The following GABPB1 variants were observed in gnomAD, a reference collection of about 807,000 sequenced individuals.
The protein encoded by GABPB1 is GA-binding protein subunit beta-1.
Under a neutral mutation model 45.9 loss-of-function variants are expected in GABPB1, and 15 were observed. The ratio of observed to expected loss-of-function variants is 0.33; its 90% CI spans 0.22 to 0.50. The LOEUF (loss-of-function observed/expected upper bound fraction) is 0.50. Ranked by LOEUF, GABPB1 falls within the 20% of genes least tolerant of loss-of-function variation. GABPB1 has a pLI of 0.98. For synonymous variants in GABPB1, 143 were observed against 154.4 expected (o/e 0.93, Z 0.55); for missense variants, 252 against 457.5 (o/e 0.55, Z 4.10).
At chr15:50,291,330 T>C (rs2046335013) in intron 6 of GABPB1, among the ~76,000 whole-genome samples, 1 of 152,008 alleles carries the variant, frequency 6.6e-6, no homozygotes, top group African/African-American at 2.4e-5. Context: ...GAATTTTTTT[T>C]TTTTTTGAGA....
intron 1 of GABPB1, among the ~76,000 whole-genome samples, chr15:50,338,534 T>G (rs1253163981): frequency 6.6e-6 from 1 of 152,126 alleles, no homozygotes. Flanking sequence ...AGTGTAGTGG[T>G]GCAATGTCAG....
intron 1 of GABPB1, among the ~76,000 whole-genome samples, chr15:50,335,007 A>T (rs2048071626): frequency 6.6e-6 from 1 of 152,126 alleles, no homozygotes; most frequent in South Asian, 2.1e-4. Context: ...TGTCCTTAAA[A>T]AATTGTGGGG....
At chr15:50,322,198 A>C (rs1316985117) in intron 1 of GABPB1, among the ~76,000 whole-genome samples, 1 of 152,112 alleles carries the variant, frequency 6.6e-6, no homozygotes, top group Admixed American at 6.6e-5. Context: ...ACCCTCAATG[A>C]CAGTAGATCA....
chr15:50,321,843 C>G (rs2047582373), intron 1 of GABPB1, among the ~76,000 whole-genome samples: 1 of 152,042 alleles, frequency 6.6e-6, no homozygotes, highest in South Asian at 2.1e-4. Context: ...TTCACAAACC[C>G]TAGGAAATAT....
In GABPB1 at chr15:50,341,232, T is replaced by C. The variant is rs528459512; in HGVS notation, c.-1+13753A>G. On this transcript the variant is annotated intron_variant, in intron 1 of 8. Coordinates refer to ENST00000380877, the MANE Select transcript of GABPB1 (RefSeq NM_016654.5). The stretch of plus-strand genomic sequence containing the variant: ...TACAGTGGCACTGACCATATGTATA[T>C]TTAACTTGAAAATGATTTAGGCCAG... Among the ~76,000 whole-genome samples the C allele has an allele frequency of 4.0e-4, 61 of 152,038 alleles. 1 individual carries two copies. The highest frequency in any genetic ancestry group is 4.1e-4 in the African/African-American group (17 of 41,418).
rs1330283345 is a variant in GABPB1, at chr15:50,276,033, A to G, written c.*2599T>C. On this transcript the variant is annotated 3_prime_UTR_variant, in exon 9 of 9. Coordinates refer to ENST00000380877, the MANE Select transcript of GABPB1 (RefSeq NM_016654.5). The stretch of plus-strand genomic sequence containing the variant: ...GAACGATTCTAGGTGCACAGGAAAG[A>G]AAATAATTCATTACACCATAACACT... 2 of 152,224 alleles carry G rather than the reference A, an allele frequency of 1.3e-5. No homozygotes were observed. The highest frequency in any genetic ancestry group is 4.8e-5 in the African/African-American group (2 of 41,460). The allele number at this position is 152,224 out of a possible 1,614,324, so 9.4% of individuals were successfully genotyped here.
At chr15:50,336,444 A>G (rs2048130001) in intron 1 of GABPB1, among the ~76,000 whole-genome samples, 1 of 152,028 alleles carries the variant, frequency 6.6e-6, no homozygotes, top group Non-Finnish European at 1.5e-5. Context: ...CTGTAATCCC[A>G]GCACTTCAGG....
intron 1 of GABPB1, among the ~76,000 whole-genome samples, chr15:50,343,383 C>T (rs546058039): frequency 2.0e-5 from 3 of 152,274 alleles, no homozygotes; most frequent in African/African-American, 7.2e-5. Context: ...TTGAACAAGG[C>T]AAATGTGTTC....
intron 6 of GABPB1, among the ~76,000 whole-genome samples, chr15:50,291,053 A>G (rs2046327146): frequency 6.6e-6 from 1 of 152,234 alleles, no homozygotes; most frequent in Admixed American, 6.5e-5. Context: ...AGAGTCAAAC[A>G]CAGCAATTTG....
rs569738605 is a variant in GABPB1, at chr15:50,291,022, T to G, written c.698-1354A>C. Among the ~76,000 whole-genome samples, 7 of 152,324 alleles carry G rather than the reference T, an allele frequency of 4.6e-5. No individual in the cohort carries two copies. The East Asian group carries it at 1.3e-3, about 29-fold the overall frequency. Reference sequence around the variant, plus strand: ...AACTACAAACAACGCAGATATTCTTTGATAATAAATTAACAATGGTAGAGT... The same window carrying G: ...AACTACAAACAACGCAGATATTCTTGGATAATAAATTAACAATGGTAGAGT... On this transcript the variant is annotated intron_variant, in intron 6 of 8. Coordinates refer to ENST00000380877, the MANE Select transcript of GABPB1 (RefSeq NM_016654.5).
chr15:50,303,677 C>CAA lies in GABPB1; in HGVS notation c.276+287_276+288dup, dbSNP rs371842725. 5.7e-4 allele frequency among the ~76,000 whole-genome samples: 55 copies of CAA among 96,942 alleles called. 1 individual carries two copies. Among genetic ancestry groups the CAA allele is most frequent in the Non-Finnish European group, 8.5e-4 (44 of 51,826 alleles). The allele number at this position is 96,942 out of a possible 152,430, so 63.6% of individuals were successfully genotyped here. ...AGCCTGGGTGACAGAGATTCTGTCT[C>CAA]AAAAAAAAAAAAAAAACAAAAAGAA... On this transcript the variant is annotated intron_variant, in intron 3 of 8. Transcript: ENST00000380877.
intron 1 of GABPB1, among the ~76,000 whole-genome samples, chr15:50,345,505 C>A (rs1425726384): frequency 1.3e-5 from 2 of 152,074 alleles, no homozygotes; most frequent in African/African-American, 4.8e-5. Context: ...GAGGTCAAGG[C>A]TGCAGTGAGC....
intron 1 of GABPB1, among the ~76,000 whole-genome samples, chr15:50,313,470 C>T (rs2047201509): frequency 6.6e-6 from 1 of 151,982 alleles, no homozygotes; most frequent in Admixed American, 6.6e-5. Flanking sequence ...AGTCCATTGA[C>T]CCAATAAGTG....
chr15:50,308,405 T>C (rs529138015), intron 2 of GABPB1, among the ~76,000 whole-genome samples: 4 of 152,294 alleles, frequency 2.6e-5, no homozygotes, highest in Non-Finnish European at 5.9e-5. Context: ...CATCAGATTG[T>C]TTTCCTCTCT....
intron 1 of GABPB1, among the ~76,000 whole-genome samples, chr15:50,340,973 TTTA>T (rs1328960617): frequency 1.4e-5 from 2 of 142,652 alleles, no homozygotes; most frequent in African/African-American, 2.6e-5. Context: ...TTACATATGG[TTTA>T]TTACCATATG....
At chr15:50,306,915 A>C (rs774868092) in intron 2 of GABPB1, among the ~76,000 whole-genome samples, 1 of 152,060 alleles carries the variant, frequency 6.6e-6, no homozygotes, top group Non-Finnish European at 1.5e-5. Context: ...TCTGTGTTCT[A>C]TAATATTCCA....
intron 1 of GABPB1, among the ~76,000 whole-genome samples, chr15:50,334,875 A>G (rs370406154): frequency 1.2e-4 from 18 of 152,134 alleles, no homozygotes; most frequent in Admixed American, 1.0e-3. Flanking sequence ...GTTTTATTAT[A>G]TATCTTTTAA....
chr15:50,327,490 G>A (rs1376919665), intron 1 of GABPB1, among the ~76,000 whole-genome samples: 1 of 152,058 alleles, frequency 6.6e-6, no homozygotes. Flanking sequence ...CCTCTACATA[G>A]TACCTGCCCT....
At chr15:50,354,692 G>C (rs951610550) in intron 1 of GABPB1, 1 of 373,194 alleles carries the variant, frequency 2.7e-6, no homozygotes, top group African/African-American at 2.3e-5. Context: ...AGGCGGCCGC[G>C]GCATGCTAGG....
Sources: allele counts gnomAD v4.1 joint callset (sites outside exome capture counted in the v4.1 genomes callset), GRCh38; gene constraint gnomAD v4.1.1; transcripts MANE v1.5; gene names NCBI Gene and HGNC (gene_info 2026-07-23, HGNC 2026-07-21).